The following STARD9 variants were observed in gnomAD, a reference collection of about 807,000 sequenced individuals.
The protein encoded by STARD9 is stAR-related lipid transfer protein 9.
Under a neutral mutation model 399.8 loss-of-function variants are expected in STARD9, and 346 were observed. The observed-to-expected ratio is 0.87, with a 90% CI of 0.79 to 0.95. STARD9 has a LOEUF of 0.95. Ranked by LOEUF, STARD9 falls within the 40% of genes least tolerant of loss-of-function variation. The probability of loss-of-function intolerance (pLI) is 0.00; values close to 1 mark genes in which losing one functional copy is unlikely to be tolerated. For synonymous variants in STARD9, 2,203 were observed against 2,143.5 expected (o/e 1.03, Z -0.77); for missense variants, 5,832 against 5,667.5 (o/e 1.03, Z -0.93).
chr15:42,697,447 A>G (rs554569698), intron 26 of STARD9, among the ~76,000 whole-genome samples: 3 of 152,118 alleles, frequency 2.0e-5, no homozygotes, highest in African/African-American at 7.2e-5. Context: ...CTTTTATTGC[A>G]TGTTTTTAAG....
In STARD9 at chr15:42,719,567, G is replaced by C; in HGVS notation, c.14096G>C (p.Gly4699Ala). The change falls in exon 33 of 33, where the codon GGT (glycine) becomes GCT (alanine). Residue 4699 changes from glycine to alanine, a missense_variant. Gly to Ala is a moderately conservative substitution (Grantham distance 60). Transcript: ENST00000290607. ...ATAGCCAGACTGGCTTCCTTCCTTGGTAGGTAGCATCTCACCGTCAAGATG... is the reference window on the plus strand; with the variant it reads ...ATAGCCAGACTGGCTTCCTTCCTTGCTAGGTAGCATCTCACCGTCAAGATG... ...LVIARLASFL[G>A]R The C allele has an allele frequency of 6.5e-7, 1 of 1,534,196 alleles. No homozygotes were observed. Among genetic ancestry groups the C allele is most frequent in the South Asian group, 1.2e-5 (1 of 83,980 alleles).
At chr15:42,592,664 G>C (rs1024855766) in intron 3 of STARD9, among the ~76,000 whole-genome samples, 1 of 151,824 alleles carries the variant, frequency 6.6e-6, no homozygotes, top group East Asian at 1.9e-4. Context: ...GGCTCGTCTC[G>C]AACTCCGGAT....
intron 16 of STARD9, chr15:42,673,862 C>G (rs535528030): frequency 4.4e-4 from 202 of 455,002 alleles, no homozygotes; most frequent in South Asian, 3.1e-3. Context: ...CTCTTACACT[C>G]TCTTCCAGTT....
intron 26 of STARD9, among the ~76,000 whole-genome samples, chr15:42,714,167 A>G (rs548212977): frequency 2.1e-5 from 3 of 144,144 alleles, no homozygotes; most frequent in African/African-American, 7.8e-5. Flanking sequence ...GGTTCACGCC[A>G]TTCTCCTGCC....
chr15:42,710,316 G>A (rs2061186573), intron 26 of STARD9, among the ~76,000 whole-genome samples: 2 of 151,182 alleles, frequency 1.3e-5, no homozygotes, highest in Non-Finnish European at 2.9e-5. Context: ...GCCCGCCTGA[G>A]CCTCCCAAAG....
chr15:42,684,728 T>C lies in STARD9; in HGVS notation c.3150T>C (p.Thr1050=), dbSNP rs948473171. The C allele has an allele frequency of 1.8e-5, 28 of 1,537,210 alleles. No homozygotes were observed. Among genetic ancestry groups the C allele is most frequent in the Non-Finnish European group, 2.4e-5 (28 of 1,146,918 alleles). Residue 1050 remains threonine (T), a synonymous_variant, in exon 23 of 33, where the codon ACT becomes ACC. Transcript: ENST00000290607. The part of the protein sequence containing the change: ...ASKRHQRVLA[T]RVRNITKKSS... ...AAAGGCATCAGAGGGTTCTGGCAACTAGGGTCAGAAATATTACCAAAAAGT... is the reference window on the plus strand; with the variant it reads ...AAAGGCATCAGAGGGTTCTGGCAACCAGGGTCAGAAATATTACCAAAAAGT...
chr15:42,698,331 A>G (rs1379777939), intron 26 of STARD9, among the ~76,000 whole-genome samples: 1 of 152,186 alleles, frequency 6.6e-6, no homozygotes, highest in Non-Finnish European at 1.5e-5. Flanking sequence ...CAGATGAGCT[A>G]ATTTATACTC....
At chr15:42,587,597 G>A (rs558664059) in intron 3 of STARD9, among the ~76,000 whole-genome samples, 9 of 151,828 alleles carry the variant, frequency 5.9e-5, no homozygotes, top group Middle Eastern at 3.2e-3. Flanking sequence ...ATGGAGTTTC[G>A]CTCTTGTTGC....
chr15:42,699,395 T>TTC (rs1566956430), intron 26 of STARD9, among the ~76,000 whole-genome samples: 2 of 138,356 alleles, frequency 1.4e-5, no homozygotes, highest in African/African-American at 5.9e-5. Flanking sequence ...TTCTTTTCTT[T>TTC]TTTTTTTTTT....
chr15:42,615,859 T>G (rs900056965), intron 3 of STARD9, among the ~76,000 whole-genome samples: 1 of 152,226 alleles, frequency 6.6e-6, no homozygotes, highest in Non-Finnish European at 1.5e-5. Context: ...ACAGTCTTTA[T>G]GTCCATGATA....
chr15:42,634,115 G>T (rs192736446), intron 3 of STARD9, among the ~76,000 whole-genome samples: 4 of 152,002 alleles, frequency 2.6e-5, no homozygotes, highest in African/African-American at 7.3e-5. Flanking sequence ...GTAAATATCC[G>T]CTGTACCAGC....
intron 26 of STARD9, among the ~76,000 whole-genome samples, chr15:42,708,468 A>G (rs1403975024): frequency 6.6e-6 from 1 of 152,188 alleles, no homozygotes; most frequent in African/African-American, 2.4e-5. Flanking sequence ...AGCCTTAAAT[A>G]TTCAGTATCT....
chr15:42,632,067 A>G (rs2059342706), intron 3 of STARD9, among the ~76,000 whole-genome samples: 1 of 152,118 alleles, frequency 6.6e-6, no homozygotes, highest in South Asian at 2.1e-4. Flanking sequence ...TACGGTATTG[A>G]GGTCTCTCTC....
Position 42,682,248 on chromosome 15 carries a change from C to T in STARD9, c.2210C>T (p.Pro737Leu). The T allele has an allele frequency of 6.5e-7, 1 of 1,537,272 alleles. No homozygotes were observed. Among genetic ancestry groups the T allele is most frequent in the South Asian group, 1.2e-5 (1 of 84,058 alleles). Residue 737 changes from proline (P) to leucine (L), a missense_variant, in exon 22 of 33, where the codon CCA (proline) becomes CTA (leucine). Pro to Leu is a moderately conservative substitution (Grantham distance 98, BLOSUM62 -3). Around this residue, in one of 2 missense-constraint regions of STARD9, gnomAD observed 5,828 missense variants for 5,651.1 expected, o/e 1.03. Coordinates refer to ENST00000290607, the MANE Select transcript of STARD9 (RefSeq NM_020759.3). ...LQTDPEIQPSPFVQSQKRVVH... is the reference protein window; with the variant it reads ...LQTDPEIQPSLFVQSQKRVVH... Reference sequence around the variant, plus strand: ...ACAGATCCTGAGATTCAGCCATCCCCATTTGTCCAAAGTCAGAAAAGGGTG... The same window carrying T: ...ACAGATCCTGAGATTCAGCCATCCCTATTTGTCCAAAGTCAGAAAAGGGTG...
chr15:42,621,210 ATTAATAAATATTTTGTAT>A (rs1227289188), intron 3 of STARD9, among the ~76,000 whole-genome samples: 2 of 152,090 alleles, frequency 1.3e-5, no homozygotes, highest in Non-Finnish European at 2.9e-5. Context: ...CTTCTTTGTA[ATTAATAAATATTTTGTAT>A]TTAATAAATA....
intron 3 of STARD9, among the ~76,000 whole-genome samples, chr15:42,591,874 A>T (rs28378282): frequency 0.01 from 1,527 of 152,348 alleles, 33 homozygotes; most frequent in African/African-American, 0.036. Context: ...GTAAATGTTT[A>T]TCACTTCATT....
intron 9 of STARD9, among the ~76,000 whole-genome samples, chr15:42,658,153 A>T (rs1047927378): frequency 6.6e-6 from 1 of 151,212 alleles, no homozygotes; most frequent in Non-Finnish European, 1.5e-5. Context: ...TACTTTTATA[A>T]TTTTTTTTTG....
intron 16 of STARD9, chr15:42,671,060 A>C (rs566075663): frequency 6.6e-6 from 1 of 151,936 alleles, no homozygotes; most frequent in South Asian, 2.1e-4. Flanking sequence ...GTTAAAGGAC[A>C]TGACTATTAG....
intron 3 of STARD9, among the ~76,000 whole-genome samples, chr15:42,605,893 A>T (rs1311241035): frequency 6.6e-6 from 1 of 152,190 alleles, no homozygotes; most frequent in Non-Finnish European, 1.5e-5. Context: ...TTTAAAGCAC[A>T]AACATGTCGT....
Sources: gnomAD v4.1 joint callset for allele counts (sites outside exome capture counted in the v4.1 genomes callset) on GRCh38, gnomAD v4.1.1 for gene constraint, gnomAD v4.1.1 regional missense constraint, MANE v1.5 for transcripts, NCBI Gene and HGNC (gene_info 2026-07-23, HGNC 2026-07-21) for gene names.